Variants in CD99L2 observed in about 807,000 individuals in gnomAD.
CD99L2 encodes the protein CD99 molecule like 2.
In CD99L2, 24 loss-of-function variants were observed where a neutral mutation model predicts 27.3. That is an observed-to-expected ratio of 0.88 (90% CI 0.64 to 1.24). The LOEUF is 1.24. CD99L2 is among the 50% of genes most tolerant of loss of function. The probability of loss-of-function intolerance (pLI) is 0.00; values close to 1 mark genes in which losing one functional copy is unlikely to be tolerated. For synonymous variants in CD99L2, 97 were observed against 87.9 expected (o/e 1.10, Z -0.58); for missense variants, 255 against 221.6 (o/e 1.15, Z -0.96).
chrX:150,821,424 T>G (rs2046240729), intron 2 of CD99L2, among the ~76,000 whole-genome samples: 1 of 111,962 alleles, frequency 8.9e-6, no homozygotes, highest in Non-Finnish European at 1.9e-5. Context: ...AGGACAGTCT[T>G]CTCAACAAAT....
intron 4 of CD99L2, among the ~76,000 whole-genome samples, chrX:150,800,613 T>C (rs2045888854): frequency 9.0e-6 from 1 of 111,476 alleles, no homozygotes; most frequent in Non-Finnish European, 1.9e-5. Context: ...TTTTGGTATT[T>C]GCAGGGGGTC....
At chrX:150,780,304 G>A (rs2045488261) in intron 7 of CD99L2, among the ~76,000 whole-genome samples, 1 of 111,987 alleles carries the variant, frequency 8.9e-6, no homozygotes, top group Non-Finnish European at 1.9e-5. Context: ...AAAGGAAGAA[G>A]TGTTGGTAAG....
intron 1 of CD99L2, among the ~76,000 whole-genome samples, chrX:150,864,141 G>A (rs1033954895): frequency 5.4e-5 from 6 of 112,141 alleles, no homozygotes; most frequent in Admixed American, 4.7e-4. Context: ...AGAGTAAGGA[G>A]TAGAGTAGGT....
chrX:150,844,518 C>T (rs2046670559), intron 1 of CD99L2, among the ~76,000 whole-genome samples: 1 of 111,809 alleles, frequency 8.9e-6, no homozygotes, highest in Admixed American at 9.5e-5. Context: ...AATGTTTGCA[C>T]CATTTTAACT....
At position 150,769,041 on chromosome X, in the gene CD99L2, C is replaced by T. The variant is rs374932537; in HGVS notation, c.782G>A (p.Arg261Gln). 7.7e-5 allele frequency: 88 copies of T among 1,149,669 alleles called. No homozygotes were observed. The South Asian group carries it at 8.1e-4, about 11-fold the overall frequency. 94.7% of individuals were successfully genotyped at this position (1,149,669 alleles called of 1,213,427 possible). A position where few individuals can be genotyped will look rare whatever the true frequency, so the allele number is the denominator to read the frequency against. Residue 261 changes from arginine (R) to glutamine (Q), a missense_variant, in exon 11 of 11, where the codon CGG becomes CAG. Coordinates refer to ENST00000370377, the MANE Select transcript of CD99L2 (RefSeq NM_031462.4). ...AEPPPPPEPA[R>Q]I is the part of the protein sequence containing the mutation. The stretch of plus-strand genomic sequence containing the variant: ...TGCAGCTGGACAGGGCCCTCAGATC[C>T]GGGCTGGTTCGGGCGGCGGCGGCGG...
chrX:150,894,546 A>G (rs1427404604), intron 1 of CD99L2, among the ~76,000 whole-genome samples: 2 of 101,033 alleles, frequency 2.0e-5, no homozygotes, highest in Non-Finnish European at 4.0e-5. Flanking sequence ...CATGCTCATC[A>G]AGTTTATTCT....
intron 4 of CD99L2, among the ~76,000 whole-genome samples, chrX:150,797,318 CTG>C (rs2045812630): frequency 8.9e-6 from 1 of 112,252 alleles, no homozygotes; most frequent in Non-Finnish European, 1.9e-5. Flanking sequence ...AAATGGGACA[CTG>C]TAGATCTTGT....
chrX:150,802,795 A>G (rs1271182865), intron 4 of CD99L2, among the ~76,000 whole-genome samples: 1 of 95,075 alleles, frequency 1.1e-5, no homozygotes, highest in African/African-American at 3.8e-5. Context: ...GTTAGCCAGG[A>G]TGGTGTCGAT....
In CD99L2 at chrX:150,766,688, C is replaced by T. The variant is rs1395490849; in HGVS notation, c.*2346G>A. The T allele has an allele frequency of 8.9e-6, 1 of 112,762 alleles. No homozygotes were observed. Among genetic ancestry groups the T allele is most frequent in the Non-Finnish European group, 1.9e-5 (1 of 53,380 alleles). The allele number at this position is 112,762 out of a possible 1,213,427, so 9.3% of individuals were successfully genotyped here. A position where few individuals can be genotyped will look rare whatever the true frequency, so the allele number is the denominator to read the frequency against. On this transcript the variant is annotated 3_prime_UTR_variant, in exon 11 of 11. Transcript: ENST00000370377. ...ACTGTGTCTCCCCTCTCGCTTGGGA[C>T]AGGCCCATGCTGGCCAGTGCAACCT...
rs1385101076 is a variant in CD99L2 at position 150,786,783 on chromosome X, A to G, written c.496+6908T>C. Among the ~76,000 whole-genome samples, 4 of 112,213 alleles carry G rather than the reference A, an allele frequency of 3.6e-5. No individual in the cohort carries two copies. The Admixed American group carries it at 3.8e-4, about 11-fold the overall frequency. Reference sequence around the variant, plus strand: ...GTAATTCTGTTTTAAGTTCTTTGAGAAATCACCAAACTTTTTTCAACGCTG... The same window carrying G: ...GTAATTCTGTTTTAAGTTCTTTGAGGAATCACCAAACTTTTTTCAACGCTG... On this transcript the variant is annotated intron_variant, in intron 7 of 10. Transcript: ENST00000370377.
chrX:150,783,096 A>C (rs2124065536), intron 7 of CD99L2, among the ~76,000 whole-genome samples: 1 of 101,160 alleles, frequency 9.9e-6, no homozygotes, highest in Admixed American at 1.1e-4. Context: ...CTGAACGATG[A>C]GAACACATGG....
intron 7 of CD99L2, among the ~76,000 whole-genome samples, chrX:150,792,438 TG>T (rs2045705843): frequency 8.9e-6 from 1 of 112,246 alleles, no homozygotes; most frequent in Non-Finnish European, 1.9e-5. Flanking sequence ...TCCTGACACC[TG>T]TAGGTTTCAT....
In CD99L2 at chrX:150,766,708, C is replaced by T. The variant is rs2043319405; in HGVS notation, c.*2326G>A. 8.9e-6 allele frequency: 1 copy of T among 112,538 alleles called. No individual in the cohort carries two copies. The highest frequency in any genetic ancestry group is 3.6e-4 in the South Asian group (1 of 2,741). 9.3% of individuals were successfully genotyped at this position (112,538 alleles called of 1,213,427 possible). A position where few individuals can be genotyped will look rare whatever the true frequency, so the allele number is the denominator to read the frequency against. On this transcript the variant is annotated 3_prime_UTR_variant, in exon 11 of 11. Coordinates refer to ENST00000370377, the MANE Select transcript of CD99L2 (RefSeq NM_031462.4). The stretch of plus-strand genomic sequence containing the variant: ...TGGGACAGGCCCATGCTGGCCAGTG[C>T]AACCTTCAGATAGACACATGGTGAC...
intron 1 of CD99L2, among the ~76,000 whole-genome samples, chrX:150,840,041 GA>G (rs1180523095): frequency 2.4e-4 from 25 of 105,305 alleles, no homozygotes; most frequent in African/African-American, 6.9e-4. Flanking sequence ...CCGTCTCAAA[GA>G]AAAAAAAAAT....
intron 4 of CD99L2, among the ~76,000 whole-genome samples, chrX:150,796,474 C>T (rs1331804779): frequency 2.7e-5 from 3 of 112,313 alleles, no homozygotes; most frequent in Non-Finnish European, 5.6e-5. Flanking sequence ...GTGTGTGCAC[C>T]TAACAATAGA....
At chrX:150,865,591 T>C (rs1223628785) in intron 1 of CD99L2, among the ~76,000 whole-genome samples, 1 of 111,823 alleles carries the variant, frequency 8.9e-6, no homozygotes, top group Non-Finnish European at 1.9e-5. Flanking sequence ...ACTTTCTGCA[T>C]CAGAGAGCCA....
At chrX:150,795,094 TATA>T in intron 6 of CD99L2, 109 bp downstream of exon 6, 1 of 852,639 alleles carries the variant, frequency 1.2e-6, no homozygotes, top group Non-Finnish European at 1.7e-6. Flanking sequence ...GTACCACCAT[TATA>T]GGGTTCTCCA....
intron 4 of CD99L2, among the ~76,000 whole-genome samples, chrX:150,803,765 A>G (rs990176141): frequency 1.8e-5 from 2 of 112,157 alleles, no homozygotes; most frequent in South Asian, 7.4e-4. Context: ...ATTAAAAATG[A>G]GCTCAAAATG....
chrX:150,770,332 C>G lies in CD99L2; in HGVS notation c.693G>C (p.Leu231=). ...GGGGTTCCTCACATACCACGGCTTC[C>G]AGGTTCTCTCCCTTCACGTAGTCTG... ...LNADYVKGEN[L]EAVVCEEPQV... The change falls in exon 10 of 11, where the codon CTG becomes CTC. Residue 231 remains leucine (L), a synonymous_variant. Coordinates refer to ENST00000370377, the MANE Select transcript of CD99L2 (RefSeq NM_031462.4). The G allele has an allele frequency of 8.3e-7, 1 of 1,212,003 alleles. No homozygotes were observed. The highest frequency in any genetic ancestry group is 1.1e-6 in the Non-Finnish European group (1 of 895,467).
Sources: gnomAD v4.1 joint callset for allele counts (sites outside exome capture counted in the v4.1 genomes callset) on GRCh38, gnomAD v4.1.1 for gene constraint, MANE v1.5 for transcripts, NCBI Gene and HGNC (gene_info 2026-07-23, HGNC 2026-07-21) for gene names.